XPR1: variants seen among roughly 807,000 people sequenced by gnomAD.
The protein encoded by XPR1 is xenotropic and polytropic retrovirus receptor 1.
XPR1 carries 28 observed loss-of-function variants against 87.5 expected under a neutral mutation model. That is an observed-to-expected ratio of 0.32 (90% CI 0.24 to 0.44). The LOEUF (loss-of-function observed/expected upper bound fraction) is 0.44. XPR1 is among the 20% of genes least tolerant of loss of function. XPR1 has a pLI of 1.00. For synonymous variants in XPR1, 300 were observed against 306.1 expected (o/e 0.98, Z 0.21); for missense variants, 559 against 862.3 (o/e 0.65, Z 4.41).
chr1:180,747,269 G>A (rs529803630), intron 2 of XPR1, among the ~76,000 whole-genome samples: 217 of 152,252 alleles, frequency 1.4e-3, no homozygotes, highest in African/African-American at 5.0e-3. Context: ...GGTTATTGTA[G>A]TTACCTGTAA....
At chr1:180,682,833 CGTGTGTGT>C (rs571473950) in intron 2 of XPR1, among the ~76,000 whole-genome samples, 1 of 146,150 alleles carries the variant, frequency 6.8e-6, no homozygotes. Context: ...TGTGTGTGTG[CGTGTGTGT>C]GTGTGTGTGT....
intron 13 of XPR1, chr1:180,878,116 C>T (rs1413580963): frequency 2.0e-5 from 3 of 152,404 alleles, no homozygotes; most frequent in South Asian, 2.1e-4. Flanking sequence ...AACTCCCCAT[C>T]GCTGCTGCCA....
chr1:180,728,104 G>T (rs191703625), intron 2 of XPR1, among the ~76,000 whole-genome samples: 6 of 152,184 alleles, frequency 3.9e-5, no homozygotes, highest in African/African-American at 1.2e-4. Context: ...TGGTTCACAC[G>T]CCTCTGATAT....
At chr1:180,646,453 G>T (rs984456002) in intron 1 of XPR1, among the ~76,000 whole-genome samples, 6 of 152,072 alleles carry the variant, frequency 3.9e-5, no homozygotes, top group African/African-American at 1.4e-4. Context: ...TGGTCTCCAG[G>T]TGATGAAGTA....
At chr1:180,730,804 A>G (rs1267858069) in intron 2 of XPR1, among the ~76,000 whole-genome samples, 1 of 151,482 alleles carries the variant, frequency 6.6e-6, no homozygotes. Context: ...CTAGGACCAT[A>G]AGTGTTCACC....
chr1:180,704,596 T>C (rs2101974794), intron 2 of XPR1, among the ~76,000 whole-genome samples: 1 of 151,762 alleles, frequency 6.6e-6, no homozygotes, highest in African/African-American at 2.4e-5. Context: ...ATATATTTGG[T>C]ATATTTTGGT....
chr1:180,707,099 C>G (rs913782379), intron 2 of XPR1, among the ~76,000 whole-genome samples: 1 of 151,970 alleles, frequency 6.6e-6, no homozygotes, highest in Non-Finnish European at 1.5e-5. Flanking sequence ...GGAGAATCAA[C>G]AAAAATAACG....
intron 2 of XPR1, among the ~76,000 whole-genome samples, chr1:180,752,021 G>GA (rs1393988892): frequency 6.6e-6 from 1 of 152,222 alleles, no homozygotes; most frequent in East Asian, 1.9e-4. Flanking sequence ...CCAATATAAT[G>GA]ATATCATCAT....
At chr1:180,753,771 T>C (rs566611692) in intron 2 of XPR1, among the ~76,000 whole-genome samples, 1 of 152,220 alleles carries the variant, frequency 6.6e-6, no homozygotes, top group African/African-American at 2.4e-5. Context: ...GTTCTACTTA[T>C]AGTCCTAGCA....
intron 2 of XPR1, among the ~76,000 whole-genome samples, chr1:180,751,958 T>C (rs1647550685): frequency 6.6e-6 from 1 of 152,144 alleles, no homozygotes; most frequent in Admixed American, 6.5e-5. Context: ...GGAATAAACG[T>C]GTCGCCCATA....
In XPR1 at chr1:180,884,286, T is replaced by C. The variant is rs1239013494; in HGVS notation, c.*220T>C. 8.7e-6 allele frequency: 4 copies of C among 459,638 alleles called. No individual in the cohort carries two copies. The East Asian group carries it at 1.5e-4, about 18-fold the overall frequency. The allele number at this position is 459,638 out of a possible 1,614,324, so 28.5% of individuals were successfully genotyped here. On this transcript the variant is annotated 3_prime_UTR_variant, in exon 15 of 15. Transcript: ENST00000367590. ...TAATTTTCTATTTTCAAAACAAATA[T>C]TTACTTCATTTGCCAATCAGAGGAT...
rs536384028 is a variant in XPR1, at chr1:180,764,586, C to T, written c.122-23167C>T. 5.0e-3 allele frequency among the ~76,000 whole-genome samples: 764 copies of T among 152,122 alleles called. 7 individuals are homozygous for T. The highest frequency in any genetic ancestry group is 0.018 in the African/African-American group (729 of 41,482). Reference sequence around the variant, plus strand: ...CTGAGCTCAAGCAATCCTCCCACCTCAGCCTCCCATGTAGCTGGGACTACA... The same window carrying T: ...CTGAGCTCAAGCAATCCTCCCACCTTAGCCTCCCATGTAGCTGGGACTACA... On this transcript the variant is annotated intron_variant, in intron 2 of 14. Coordinates refer to ENST00000367590, the MANE Select transcript of XPR1 (RefSeq NM_004736.4).
intron 7 of XPR1, among the ~76,000 whole-genome samples, chr1:180,817,765 CA>C (rs1650463959): frequency 6.6e-6 from 1 of 152,030 alleles, no homozygotes; most frequent in Admixed American, 6.6e-5. Flanking sequence ...AGGCAAAAAT[CA>C]GGAGTTTACC....
chr1:180,689,091 C>T (rs942921775), intron 2 of XPR1, among the ~76,000 whole-genome samples: 1 of 152,088 alleles, frequency 6.6e-6, no homozygotes, highest in Non-Finnish European at 1.5e-5. Flanking sequence ...ATCCAATAGT[C>T]AACCAAGGTA....
At chr1:180,642,338 A>G (rs1350915965) in intron 1 of XPR1, among the ~76,000 whole-genome samples, 1 of 152,182 alleles carries the variant, frequency 6.6e-6, no homozygotes, top group Non-Finnish European at 1.5e-5. Context: ...TTGCCAAGCC[A>G]AAGTCAGAGC....
At chr1:180,763,571 G>A (rs1648137332) in intron 2 of XPR1, among the ~76,000 whole-genome samples, 1 of 152,142 alleles carries the variant, frequency 6.6e-6, no homozygotes, top group African/African-American at 2.4e-5. Flanking sequence ...TCTGAATCAA[G>A]GTGATTGTGA....
At chr1:180,648,274 G>T (rs1655185660) in intron 1 of XPR1, among the ~76,000 whole-genome samples, 1 of 152,164 alleles carries the variant, frequency 6.6e-6, no homozygotes, top group African/African-American at 2.4e-5. Flanking sequence ...ATTTGTAGCA[G>T]CAGAGGTTAA....
chr1:180,661,382 GTTAT>G (rs760132952), intron 1 of XPR1, among the ~76,000 whole-genome samples: 2 of 151,046 alleles, frequency 1.3e-5, no homozygotes, highest in Non-Finnish European at 2.9e-5. Context: ...TTGCCATTTC[GTTAT>G]TTGTTTTCTG....
intron 2 of XPR1, among the ~76,000 whole-genome samples, chr1:180,711,958 C>G (rs115175510): frequency 0.034 from 5,177 of 152,214 alleles, 131 homozygotes; most frequent in African/African-American, 0.07. Context: ...GTTGAAAAGA[C>G]CATCCTGTCT....
Sources: gnomAD v4.1 joint callset for allele counts (sites outside exome capture counted in the v4.1 genomes callset) on GRCh38, gnomAD v4.1.1 for gene constraint, MANE v1.5 for transcripts, NCBI Gene and HGNC (gene_info 2026-07-23, HGNC 2026-07-21) for gene names.